Variants in AQP9 observed in about 807,000 individuals in gnomAD.
AQP9 encodes the protein aquaporin 9.
AQP9 carries 19 observed loss-of-function variants against 23.8 expected under a neutral mutation model. The ratio of observed to expected loss-of-function variants is 0.80; its 90% CI spans 0.56 to 1.17. AQP9 has a LOEUF of 1.17. Ranked by LOEUF, AQP9 falls within the 50% of genes most tolerant of loss-of-function variation. AQP9 has a pLI of 0.00. For missense variants in AQP9, 413 were observed against 362.0 expected (o/e 1.14, Z -1.14); for synonymous variants, 153 against 131.5 (o/e 1.16, Z -1.12).
At chr15:58,152,553 C>A (rs549999568) in intron 1 of AQP9, 1 of 152,084 alleles carries the variant, frequency 6.6e-6, no homozygotes, top group East Asian at 1.9e-4. Context: ...GATCTAATAA[C>A]AGAAGTCTGA....
chr15:58,138,916 T>C (rs12437895), intron 1 of AQP9: 19,450 of 417,214 alleles, frequency 0.047, 837 homozygotes, highest in Admixed American at 0.16. Context: ...AAGGAGTGAG[T>C]GAAGTGCCTT....
At chr15:58,156,342 G>A (rs1898259122) in intron 1 of AQP9, among the ~76,000 whole-genome samples, 1 of 151,928 alleles carries the variant, frequency 6.6e-6, no homozygotes, top group South Asian at 2.1e-4. Context: ...ATCATATATA[G>A]TACATTAATA....
intron 5 of AQP9, among the ~76,000 whole-genome samples, chr15:58,179,855 G>T (rs3784255): frequency 2.0e-5 from 3 of 152,026 alleles, no homozygotes; most frequent in East Asian, 1.9e-4. Context: ...CACCTTGAGC[G>T]ATATAATAAG....
intron 3 of AQP9, 105 bp from the exon 4 acceptor site, chr15:58,174,813 G>A: frequency 3.3e-6 from 3 of 911,596 alleles, no homozygotes; most frequent in Non-Finnish European, 5.4e-6. Flanking sequence ...ACATGGCTAT[G>A]CCAAGCTCAA....
intron 1 of AQP9, among the ~76,000 whole-genome samples, chr15:58,149,167 C>T (rs78177848): frequency 0.024 from 3,689 of 152,258 alleles, 252 homozygotes; most frequent in Admixed American, 0.14. Flanking sequence ...CCCACAGAGG[C>T]AGCAGCAGTT....
At chr15:58,159,969 G>A (rs1210499386) in intron 1 of AQP9, among the ~76,000 whole-genome samples, 3 of 152,192 alleles carry the variant, frequency 2.0e-5, no homozygotes, top group Non-Finnish European at 4.4e-5. Flanking sequence ...CAGTAAACAT[G>A]AGAGTGCAGA....
At chr15:58,146,923 G>A (rs1344361140) in intron 1 of AQP9, 1 of 152,328 alleles carries the variant, frequency 6.6e-6, no homozygotes, top group East Asian at 1.9e-4. Context: ...TCCTACAAAT[G>A]AGGCCAGCTC....
At chr15:58,160,049 G>A (rs958300626) in intron 1 of AQP9, among the ~76,000 whole-genome samples, 1 of 152,102 alleles carries the variant, frequency 6.6e-6, no homozygotes, top group African/African-American at 2.4e-5. Context: ...GAATCGTATG[G>A]CAGTCCTGTT....
At chr15:58,150,157 T>C (rs1898121922) in intron 1 of AQP9, 1 of 152,674 alleles carries the variant, frequency 6.5e-6, no homozygotes, top group Admixed American at 6.5e-5. Context: ...GGATAGCGTA[T>C]GCCCTGTCTC....
rs1250935903 is a variant in AQP9 at position 58,146,659 on chromosome 15, AG to A, written c.111+7986del. 2.0e-5 allele frequency: 3 copies of A among 152,116 alleles called. No individual in the cohort carries two copies. The East Asian group carries it at 5.8e-4, about 29-fold the overall frequency. 9.4% of individuals were successfully genotyped at this position (152,116 alleles called of 1,614,324 possible). On this transcript the variant is annotated intron_variant, in intron 1 of 5. Transcript: ENST00000219919. ...TATACATCTGTATTATAAATTCTTC[AG>A]GGAGATTTATTTTTCCCTGTGGGAA...
intron 1 of AQP9, among the ~76,000 whole-genome samples, chr15:58,143,940 TG>T (rs1303832534): frequency 2.0e-5 from 3 of 152,240 alleles, no homozygotes; most frequent in African/African-American, 7.2e-5. Flanking sequence ...ATTTCAAAGT[TG>T]TACTTCCAGT....
At chr15:58,138,697 T>C (rs1897901136) in intron 1 of AQP9, 21 bp downstream of exon 1, 16 of 1,606,930 alleles carry the variant, frequency 1.0e-5, no homozygotes, top group African/African-American at 2.7e-5. Context: ...CCTGATTTCC[T>C]ACATTCAGAC....
In AQP9 at chr15:58,173,052, C is replaced by T; in HGVS notation, c.239-16C>T. 1 of 1,613,702 alleles carries T rather than the reference C, an allele frequency of 6.2e-7. No individual in the cohort carries two copies. On this transcript the variant is annotated splice_polypyrimidine_tract_variant and intron_variant, in intron 2 of 5. Coordinates refer to ENST00000219919, the MANE Select transcript of AQP9 (RefSeq NM_020980.5). ...TTCCTAACCTGCCCTCTCACTTCTC[C>T]AATCTTCCCTTGCAGGTGGTCACAT...
chr15:58,155,703 A>C (rs1240873060), intron 1 of AQP9: 1 of 151,994 alleles, frequency 6.6e-6, no homozygotes, highest in African/African-American at 2.4e-5. Context: ...TTTTCACCTG[A>C]TCTCCTGAGC....
rs1354423975 is a variant in AQP9, at chr15:58,138,666, T to C, written c.101T>C (p.Phe34Ser). 2 of 1,613,594 alleles carry C rather than the reference T, an allele frequency of 1.2e-6. No homozygotes were observed. Among genetic ancestry groups the C allele is most frequent in the South Asian group, 1.1e-5 (1 of 91,062 alleles). Reference sequence around the variant, plus strand: ...ACCCTCTCTGAGTTCTTGGGCACGTTCATCTTGATTGTAAGTATTTCCTGA... The same window carrying C: ...ACCCTCTCTGAGTTCTTGGGCACGTCCATCTTGATTGTAAGTATTTCCTGA... ...KETLSEFLGT[F>S]ILIVLGCGCV... The change falls in exon 1 of 6, where the codon TTC becomes TCC. Residue 34 changes from phenylalanine (F) to serine (S), a missense_variant. Transcript: ENST00000219919.
In AQP9 at chr15:58,142,086, C is replaced by T. The variant is rs543844430; in HGVS notation, c.111+3410C>T. 3.0e-4 allele frequency among the ~76,000 whole-genome samples: 46 copies of T among 152,190 alleles called. 1 individual carries two copies. In the South Asian group the frequency reaches 9.1e-3, roughly 30 times the overall value. On this transcript the variant is annotated intron_variant, in intron 1 of 5. Transcript: ENST00000219919. ...CTCAGGCTGATGTAATCATGCATCC[C>T]GGGAATCAGCCCAGAGCCCAGTTGC...
At chr15:58,164,606 A>G (rs1898458938) in intron 1 of AQP9, among the ~76,000 whole-genome samples, 1 of 152,136 alleles carries the variant, frequency 6.6e-6, no homozygotes, top group Non-Finnish European at 1.5e-5. Context: ...TTTTTTTGAA[A>G]AGAGAAAGGG....
At chr15:58,176,755 T>C (rs1008909403) in intron 4 of AQP9, among the ~76,000 whole-genome samples, 15 of 151,764 alleles carry the variant, frequency 9.9e-5, no homozygotes, top group African/African-American at 3.6e-4. Context: ...GGATTCCCAG[T>C]GTGAGCCACC....
chr15:58,144,478 T>C (rs144578325), intron 1 of AQP9, among the ~76,000 whole-genome samples: 1 of 152,236 alleles, frequency 6.6e-6, no homozygotes, highest in East Asian at 1.9e-4. Context: ...GATCTGTTTG[T>C]CCAAACTTGC....
Sources: allele counts gnomAD v4.1 joint callset (sites outside exome capture counted in the v4.1 genomes callset), GRCh38; gene constraint gnomAD v4.1.1; transcripts MANE v1.5; gene names NCBI Gene and HGNC (gene_info 2026-07-23, HGNC 2026-07-21).